The following PCCA variants were observed in gnomAD, a reference collection of about 807,000 sequenced individuals.
PCCA encodes the protein propionyl-CoA carboxylase alpha chain, mitochondrial.
A neutral mutation model predicts 101.3 loss-of-function variants in PCCA; 74 were observed. The observed-to-expected ratio is 0.73, with a 90% confidence interval of 0.61 to 0.89. The LOEUF (loss-of-function observed/expected upper bound fraction) is 0.89, where lower values mean the gene tolerates loss of function less well. PCCA is among the 40% of genes least tolerant of loss of function. PCCA has a pLI of 0.00. For missense variants in PCCA, 891 were observed against 907.0 expected (o/e 0.98, Z 0.23); for synonymous variants, 294 against 313.6 (o/e 0.94, Z 0.66).
intron 19 of PCCA, among the ~76,000 whole-genome samples, chr13:100,395,347 C>A (rs2076995044): frequency 6.6e-6 from 1 of 152,214 alleles, no homozygotes; most frequent in Admixed American, 6.5e-5. Context: ...TCACCAGACT[C>A]AGCACTGCGT....
intron 21 of PCCA, among the ~76,000 whole-genome samples, chr13:100,504,212 C>T (rs190946153): frequency 1.3e-5 from 2 of 152,294 alleles, no homozygotes; most frequent in Admixed American, 1.3e-4. Flanking sequence ...ATCTCAGGTT[C>T]CTCAAATATG....
chr13:100,309,781 A>T, intron 15 of PCCA, 52 bp from the exon 16 acceptor site: 1 of 1,126,242 alleles, frequency 8.9e-7, no homozygotes, highest in Non-Finnish European at 1.3e-6. Context: ...GAATCATTTA[A>T]CATAGTTCTA....
At chr13:100,112,879 A>C (rs1477714822) in intron 4 of PCCA, among the ~76,000 whole-genome samples, 2 of 26,172 alleles carry the variant, frequency 7.6e-5, no homozygotes, top group Non-Finnish European at 1.3e-4. Context: ...CCCGGCCCAC[A>C]GCAGGGATTT....
chr13:100,147,880 T>G (rs2052774236), intron 4 of PCCA, among the ~76,000 whole-genome samples: 2 of 152,180 alleles, frequency 1.3e-5, no homozygotes, highest in Admixed American at 6.5e-5. Flanking sequence ...ATAGTTTTTT[T>G]TGTGTTTTTA....
chr13:100,489,832 G>C (rs565677721), intron 21 of PCCA: 14 of 152,210 alleles, frequency 9.2e-5, no homozygotes, highest in Non-Finnish European at 2.1e-4. Context: ...GAATTACGGG[G>C]TTCATGAAGA....
chr13:100,269,570 C>T (rs4771360), intron 11 of PCCA, among the ~76,000 whole-genome samples: 69,703 of 151,832 alleles, frequency 0.46, 16,080 homozygotes, highest in Middle Eastern at 0.54. Flanking sequence ...TATGGGGCCT[C>T]ATTTCTCATT....
At chr13:100,432,397 G>T (rs2079622471) in intron 20 of PCCA, among the ~76,000 whole-genome samples, 1 of 152,010 alleles carries the variant, frequency 6.6e-6, no homozygotes, top group South Asian at 2.1e-4. Context: ...TTTATTTTTT[G>T]TTAATCTTCT....
chr13:100,382,092 C>T (rs1425493837), intron 19 of PCCA, among the ~76,000 whole-genome samples: 2 of 152,228 alleles, frequency 1.3e-5, no homozygotes, highest in African/African-American at 4.8e-5. Flanking sequence ...GCGTAACAAC[C>T]TTTTGTATCC....
intron 12 of PCCA, among the ~76,000 whole-genome samples, chr13:100,279,182 C>A (rs748529678): frequency 6.6e-6 from 1 of 152,122 alleles, no homozygotes; most frequent in East Asian, 1.9e-4. Context: ...TGCTGTTAAG[C>A]GTGCTATTTT....
chr13:100,193,865 G>A (rs2057909012), intron 6 of PCCA, among the ~76,000 whole-genome samples: 1 of 152,102 alleles, frequency 6.6e-6, no homozygotes, highest in African/African-American at 2.4e-5. Flanking sequence ...AGATCATGAG[G>A]TCAGGAGATA....
rs573601656 is a variant in PCCA, at chr13:100,217,316, G to A, written c.600+7853G>A. Among the ~76,000 whole-genome samples the A allele has an allele frequency of 3.0e-3, 451 of 150,176 alleles. 2 individuals carry two copies. Among genetic ancestry groups the A allele is most frequent in the African/African-American group, 9.2e-3 (377 of 40,784 alleles). ...AAAAATTAGCTGGGCGTGGTGGTGC[G>A]CACCTGTAATCCCAGCCACTCGGGA... On this transcript the variant is annotated intron_variant, in intron 7 of 23. Transcript: ENST00000376285.
At chr13:100,252,851 T>C (rs182446588) in intron 8 of PCCA, among the ~76,000 whole-genome samples, 23 of 152,302 alleles carry the variant, frequency 1.5e-4, no homozygotes, top group Non-Finnish European at 2.1e-4. Context: ...AGCTCCTTGT[T>C]TCTACCTTTG....
intron 19 of PCCA, among the ~76,000 whole-genome samples, chr13:100,370,074 CTTTTTTTTTTTTT>C (rs386380451): frequency 6.7e-5 from 5 of 74,640 alleles, no homozygotes; most frequent in Non-Finnish European, 9.1e-5. Context: ...GCTGTTACTT[CTTTTTTTTTTTTT>C]TTTTTTTTTT....
intron 19 of PCCA, among the ~76,000 whole-genome samples, chr13:100,373,001 C>T (rs2152817789): frequency 6.6e-6 from 1 of 152,316 alleles, no homozygotes; most frequent in Admixed American, 6.5e-5. Flanking sequence ...ACTTCGGCCT[C>T]CCAAAGTGCT....
At chr13:100,447,261 A>G (rs573474475) in intron 20 of PCCA, among the ~76,000 whole-genome samples, 2 of 151,880 alleles carry the variant, frequency 1.3e-5, no homozygotes, top group Admixed American at 6.6e-5. Flanking sequence ...GGAGATGCCT[A>G]TAGTCCCAGC....
intron 21 of PCCA, among the ~76,000 whole-genome samples, chr13:100,503,499 AAAG>A (rs1336144899): frequency 6.6e-6 from 1 of 152,012 alleles, no homozygotes; most frequent in Non-Finnish European, 1.5e-5. Context: ...CCCCCCCAAA[AAAG>A]AAATTATAAT....
In PCCA at chr13:100,359,973, G is replaced by A. The variant is rs747402664; in HGVS notation, c.1644-8499G>A. On this transcript the variant is annotated intron_variant, in intron 18 of 23. Transcript: ENST00000376285. Reference sequence around the variant, plus strand: ...TTGATTTTGAAATTTCTATGGAAATGCAAAGGGACTTGTATTAGTCCATTT... The same window carrying A: ...TTGATTTTGAAATTTCTATGGAAATACAAAGGGACTTGTATTAGTCCATTT... Among the ~76,000 whole-genome samples, 3 of 152,138 alleles carry A rather than the reference G, an allele frequency of 2.0e-5. No individual in the cohort carries two copies. The East Asian group carries it at 5.8e-4, about 29-fold the overall frequency.
Position 100,151,320 on chromosome 13 carries a change from G to A in PCCA, c.301-3659G>A, listed in dbSNP as rs1200879809. Among the ~76,000 whole-genome samples the A allele has an allele frequency of 7.2e-5, 11 of 152,062 alleles. No homozygotes were observed. The East Asian group carries it at 1.5e-3, about 21-fold the overall frequency. ...GAAAACTAAATGCTTGGCTGGGCGC[G>A]GTGGCTCACACCTGTAATCCCAGCA... On this transcript the variant is annotated intron_variant, in intron 4 of 23. Coordinates refer to ENST00000376285, the MANE Select transcript of PCCA (RefSeq NM_000282.4).
Position 100,280,424 on chromosome 13 carries a change from C to G in PCCA, c.1065+7078C>G, listed in dbSNP as rs1346804234. Among the ~76,000 whole-genome samples the G allele has an allele frequency of 2.0e-5, 3 of 151,868 alleles. No individual in the cohort carries two copies. In the South Asian group the frequency reaches 6.2e-4, roughly 32 times the overall value. ...CTGAAGGTGCCTTTCAGTTTGACTT[C>G]TTTGTGCCTTGTATCATGCCACTCC... On this transcript the variant is annotated intron_variant, in intron 12 of 23. Transcript: ENST00000376285.
Sources: allele counts gnomAD v4.1 joint callset (sites outside exome capture counted in the v4.1 genomes callset), GRCh38; gene constraint gnomAD v4.1.1; transcripts MANE v1.5; gene names NCBI Gene and HGNC (gene_info 2026-07-23, HGNC 2026-07-21).